Variants in ZNF385D observed in about 807,000 individuals in gnomAD.
ZNF385D encodes zinc finger protein 659.
Under a neutral mutation model 35.8 loss-of-function variants are expected in ZNF385D, and 15 were observed. The ratio of observed to expected loss-of-function variants is 0.42; its 90% CI spans 0.28 to 0.64. The LOEUF is 0.64. ZNF385D is among the 30% of genes least tolerant of loss of function. The pLI is 0.23. For missense variants in ZNF385D, 474 were observed against 494.6 expected (o/e 0.96, Z 0.39); for synonymous variants, 212 against 186.8 (o/e 1.13, Z -1.10).
intron 3 of ZNF385D, among the ~76,000 whole-genome samples, chr3:21,983,411 G>A (rs1234815400): frequency 2.8e-4 from 29 of 104,348 alleles, no homozygotes; most frequent in South Asian, 1.1e-3. Flanking sequence ...GAGAATATGC[G>A]GTGTTTGGTT....
intron 3 of ZNF385D, among the ~76,000 whole-genome samples, chr3:22,137,688 C>T (rs1189952690): frequency 1.3e-5 from 2 of 152,126 alleles, no homozygotes; most frequent in African/African-American, 4.8e-5. Context: ...TAAGAGCTAT[C>T]TATGACAAAC....
intron 3 of ZNF385D, among the ~76,000 whole-genome samples, chr3:21,780,484 C>T (rs994136122): frequency 2.0e-5 from 3 of 151,940 alleles, no homozygotes; most frequent in African/African-American, 7.2e-5. Context: ...TGCATCTGTA[C>T]TACTTATTGG....
intron 3 of ZNF385D, among the ~76,000 whole-genome samples, chr3:22,026,824 A>C (rs1341664788): frequency 6.6e-6 from 1 of 152,206 alleles, no homozygotes; most frequent in South Asian, 2.1e-4. Flanking sequence ...TGAAAGATGC[A>C]AGGGTGGTGA....
chr3:22,290,230 C>T lies in ZNF385D; in HGVS notation c.106+82220G>A, dbSNP rs540093242. ...CTGGGTGTTGGGAATTCCTTCCTTA[C>T]TGGAATGGTGCTAAGATTTGTGCCT... On this transcript the variant is annotated intron_variant, in intron 2 of 5. Coordinates refer to the ZNF385D transcript ENST00000494108. 2.0e-4 allele frequency among the ~76,000 whole-genome samples: 31 copies of T among 152,216 alleles called. No homozygotes were observed. In the South Asian group the frequency reaches 5.2e-3, roughly 25 times the overall value.
chr3:21,797,034 T>C lies in ZNF385D; in HGVS notation c.326-132006A>G, dbSNP rs1321870005. On this transcript the variant is annotated intron_variant, in intron 3 of 5. Coordinates refer to the ZNF385D transcript ENST00000494108. Reference sequence around the variant, plus strand: ...ACTTCATTAAAATTAAGAATTCCTCTCCTTGAAAGACATCGTCAAGAGAAA... The same window carrying C: ...ACTTCATTAAAATTAAGAATTCCTCCCCTTGAAAGACATCGTCAAGAGAAA... 2.0e-5 allele frequency among the ~76,000 whole-genome samples: 3 copies of C among 152,136 alleles called. No homozygotes were observed. The East Asian group carries it at 5.8e-4, about 29-fold the overall frequency.
intron 2 of ZNF385D, among the ~76,000 whole-genome samples, chr3:21,569,652 T>C (rs1249957796): frequency 6.6e-6 from 1 of 151,738 alleles, no homozygotes; most frequent in Non-Finnish European, 1.5e-5. Flanking sequence ...AGTTTCTTCC[T>C]CGTCTCGATG....
chr3:22,074,406 T>C (rs1210574127), intron 3 of ZNF385D, among the ~76,000 whole-genome samples: 1 of 152,008 alleles, frequency 6.6e-6, no homozygotes, highest in African/African-American at 2.4e-5. Flanking sequence ...AATTTTTCTA[T>C]GGGTGGAGCT....
chr3:22,213,210 T>C (rs1334370894), intron 2 of ZNF385D, among the ~76,000 whole-genome samples: 1 of 152,090 alleles, frequency 6.6e-6, no homozygotes, highest in Non-Finnish European at 1.5e-5. Flanking sequence ...AAGGGGGATT[T>C]GACAAATGCT....
At chr3:22,286,951 C>T (rs775879501) in intron 2 of ZNF385D, among the ~76,000 whole-genome samples, 3 of 152,026 alleles carry the variant, frequency 2.0e-5, no homozygotes, top group Non-Finnish European at 2.9e-5. Context: ...TGAGGATAAT[C>T]TAACCATTGC....
intron 3 of ZNF385D, among the ~76,000 whole-genome samples, chr3:21,845,552 A>G (rs17009795): frequency 0.04 from 6,089 of 152,048 alleles, 418 homozygotes; most frequent in African/African-American, 0.14. Flanking sequence ...AACAAACCAC[A>G]CCAGTTTCCA....
intron 3 of ZNF385D, among the ~76,000 whole-genome samples, chr3:21,841,356 A>T (rs563422469): frequency 6.6e-6 from 1 of 152,138 alleles, no homozygotes; most frequent in East Asian, 1.9e-4. Flanking sequence ...CCATTTATGT[A>T]TAATTGTAAG....
At chr3:21,896,527 C>CA in intron 3 of ZNF385D, among the ~76,000 whole-genome samples, 1 of 152,234 alleles carries the variant, frequency 6.6e-6, no homozygotes, top group East Asian at 1.9e-4. Context: ...GGGGCCTGGG[C>CA]CTTTTTTTCC....
chr3:22,049,785 T>C (rs1318227677), intron 3 of ZNF385D, among the ~76,000 whole-genome samples: 2 of 152,162 alleles, frequency 1.3e-5, no homozygotes, highest in African/African-American at 4.8e-5. Flanking sequence ...ATTCTGTTAA[T>C]GTGGTATATT....
chr3:21,999,296 T>C (rs752083856), intron 3 of ZNF385D, among the ~76,000 whole-genome samples: 1 of 152,204 alleles, frequency 6.6e-6, no homozygotes, highest in Non-Finnish European at 1.5e-5. Flanking sequence ...CTGTTGCACC[T>C]ATCTGAAAGG....
intron 6 of ZNF385D, 150 bp downstream of exon 6, chr3:21,425,342 A>G: frequency 1.6e-6 from 1 of 643,958 alleles, no homozygotes; most frequent in South Asian, 4.0e-5. Flanking sequence ...AAAGGAAGAT[A>G]AGTGGGTTAA....
intron 4 of ZNF385D, among the ~76,000 whole-genome samples, chr3:21,455,783 A>G (rs1342904312): frequency 6.6e-6 from 1 of 152,222 alleles, no homozygotes; most frequent in African/African-American, 2.4e-5. Context: ...AAAAGAAACT[A>G]CCATCAGAGT....
chr3:22,088,437 T>G (rs972609306), intron 3 of ZNF385D, among the ~76,000 whole-genome samples: 7 of 152,196 alleles, frequency 4.6e-5, no homozygotes, highest in Non-Finnish European at 1.0e-4. Context: ...AGATCTGGCT[T>G]CAGTCTGGCA....
Position 21,988,219 on chromosome 3 carries a change from C to T in ZNF385D, c.325+180598G>A, listed in dbSNP as rs1486751552. On this transcript the variant is annotated intron_variant, in intron 3 of 5. Transcript: ENST00000494108. ...TTGTTCCGTTGCTGGTGAGGAACTG[C>T]GTTCCTTTGGAGGAGGAGAGGCGCT... Among the ~76,000 whole-genome samples the T allele has an allele frequency of 1.4e-4, 18 of 127,898 alleles. 2 individuals are homozygous for T. The highest frequency in any genetic ancestry group is 6.5e-4 in the South Asian group (2 of 3,074). The allele number at this position is 127,898 out of a possible 152,430, so 83.9% of individuals were successfully genotyped here. A position where few individuals can be genotyped will look rare whatever the true frequency, so the allele number is the denominator to read the frequency against.
intron 2 of ZNF385D, chr3:21,579,903 A>C (rs886324573): frequency 2.0e-5 from 3 of 151,674 alleles, no homozygotes; most frequent in Admixed American, 2.0e-4. Context: ...AATCATATCG[A>C]ATTACCCTAA....
Sources: gnomAD v4.1 joint callset for allele counts (sites outside exome capture counted in the v4.1 genomes callset) on GRCh38, gnomAD v4.1.1 for gene constraint, MANE v1.5 for transcripts, NCBI Gene and HGNC (gene_info 2026-07-23, HGNC 2026-07-21) for gene names.